The following SMARCA5 variants were observed in gnomAD, a reference collection of about 807,000 sequenced individuals.
SMARCA5 encodes the protein SWI/SNF-related matrix-associated actin-dependent regulator of chromatin subfamily A member 5.
Under a neutral mutation model 140.4 loss-of-function variants are expected in SMARCA5, and 18 were observed. The observed-to-expected ratio is 0.13, with a 90% CI of 0.09 to 0.19. SMARCA5 has a LOEUF of 0.19. SMARCA5 is among the 10% of genes least tolerant of loss of function. The pLI, the probability that SMARCA5 is intolerant of heterozygous loss-of-function variation, is 1.00. For missense variants in SMARCA5, 606 were observed against 1,276.8 expected, an observed-to-expected ratio of 0.47 and a Z score of 8.01; for synonymous variants, 449 against 419.6, an observed-to-expected ratio of 1.07 and a Z score of -0.86.
intron 9 of SMARCA5, among the ~76,000 whole-genome samples, chr4:143,530,752 T>C (rs1478839300): frequency 6.6e-6 from 1 of 152,194 alleles, no homozygotes; most frequent in Non-Finnish European, 1.5e-5. Context: ...GGAGAAAGTA[T>C]TCTCTTACAG....
Position 143,554,452 on chromosome 4 carries a change from G to C in SMARCA5, c.*1268G>C, listed in dbSNP as rs1737708044. ...CCTTTAGGACACATTTCCCTTAATT[G>C]GATATCTTTCCCTTAAATTTCTATT... On this transcript the variant is annotated 3_prime_UTR_variant, in exon 24 of 24. Transcript: ENST00000283131. 1 of 150,810 alleles carries C rather than the reference G, an allele frequency of 6.6e-6. No individual in the cohort carries two copies. Among genetic ancestry groups the C allele is most frequent in the Non-Finnish European group, 1.5e-5 (1 of 67,770 alleles). The allele number at this position is 150,810 out of a possible 1,614,324, so 9.3% of individuals were successfully genotyped here.
chr4:143,549,465 C>A (rs1737598812), intron 22 of SMARCA5, among the ~76,000 whole-genome samples: 1 of 152,108 alleles, frequency 6.6e-6, no homozygotes, highest in Non-Finnish European at 1.5e-5. Flanking sequence ...GGCTGTATGT[C>A]CAGTTTGCCA....
intron 11 of SMARCA5, 128 bp from the exon 12 acceptor site, chr4:143,538,462 T>A: frequency 1.5e-6 from 1 of 687,330 alleles, no homozygotes. Flanking sequence ...ATGTGTAGAT[T>A]TTTTTCCCCC....
intron 11 of SMARCA5, 140 bp from the exon 12 acceptor site, chr4:143,538,450 T>A: frequency 1.5e-6 from 1 of 661,012 alleles, no homozygotes; most frequent in Non-Finnish European, 2.6e-6. Context: ...ACTTGGATAA[T>A]AATGTGTAGA....
rs146905780 is a variant in SMARCA5 at position 143,549,474 on chromosome 4, CAG to C, written c.2986-515_2986-514del. ...TCTGGAGGCTGTATGTCCAGTTTGCCAGAGAGAGATGAGGTAGAACTCATCGT... is the reference window on the plus strand; with the variant it reads ...TCTGGAGGCTGTATGTCCAGTTTGCCAGAGAGATGAGGTAGAACTCATCGT... On this transcript the variant is annotated intron_variant, in intron 22 of 23. Transcript: ENST00000283131. 5.8e-4 allele frequency among the ~76,000 whole-genome samples: 88 copies of C among 152,160 alleles called. 2 individuals carry two copies. In the East Asian group the frequency reaches 0.015, roughly 27 times the overall value.
In SMARCA5 at chr4:143,513,965, A is replaced by G; in HGVS notation, c.41A>G (p.Glu14Gly). Residue 14 changes from glutamate to glycine, a missense_variant, in exon 1 of 24, where the codon GAG (glutamate) becomes GGG (glycine). Around this residue, in one of 10 missense-constraint regions of SMARCA5, gnomAD observed 164 missense variants for 128.4 expected, o/e 1.28. Transcript: ENST00000283131. Reference sequence around the variant, plus strand: ...GAGCCTCCGCCACCCCCGCCTCCCGAGAGCGCGCCTTCCAAGCCCGCAGCC... The same window carrying G: ...GAGCCTCCGCCACCCCCGCCTCCCGGGAGCGCGCCTTCCAAGCCCGCAGCC... Reference protein sequence around the residue: ...AAEPPPPPPPESAPSKPAASI... With the variant: ...AAEPPPPPPPGSAPSKPAASI... 6.4e-7 allele frequency: 1 copy of G among 1,555,780 alleles called. No homozygotes were observed.
At chr4:143,520,782 TC>T (rs1382312431) in intron 2 of SMARCA5, among the ~76,000 whole-genome samples, 3 of 152,198 alleles carry the variant, frequency 2.0e-5, no homozygotes, top group African/African-American at 7.2e-5. Flanking sequence ...AAATTTGTCT[TC>T]GAGGCTCTTA....
intron 17 of SMARCA5, 57 bp from the exon 18 acceptor site, chr4:143,545,413 T>C: frequency 2.8e-6 from 3 of 1,080,784 alleles, no homozygotes; most frequent in Non-Finnish European, 4.3e-6. Context: ...GGACTAAGGA[T>C]ACATTTAAAA....
rs552903291 is a variant in SMARCA5, at chr4:143,540,561, G to A, written c.1903+66G>A. On this transcript the variant is annotated intron_variant, in intron 14 of 23. Transcript: ENST00000283131. ...CACAACCTGTTTTTGTTTGAAAATC[G>A]TCTTAGAAGATTCTTGTTACTAAGC... 7 of 1,469,208 alleles carry A rather than the reference G, an allele frequency of 4.8e-6. No individual in the cohort carries two copies. The South Asian group carries it at 5.2e-5, about 11-fold the overall frequency. The allele number at this position is 1,469,208 out of a possible 1,614,324, so 91.0% of individuals were successfully genotyped here. A position where few individuals can be genotyped will look rare whatever the true frequency, so the allele number is the denominator to read the frequency against.
At chr4:143,514,915 G>T (rs1736796053) in intron 1 of SMARCA5, among the ~76,000 whole-genome samples, 1 of 152,154 alleles carries the variant, frequency 6.6e-6, no homozygotes, top group African/African-American at 2.4e-5. Context: ...TTATGGGTTT[G>T]GGTTGGGCAG....
chr4:143,518,685 TA>T (rs1736893197), intron 2 of SMARCA5, among the ~76,000 whole-genome samples: 1 of 152,174 alleles, frequency 6.6e-6, no homozygotes, highest in South Asian at 2.1e-4. Context: ...ATGTAAATTA[TA>T]AATGATATAT....
chr4:143,539,079 T>C, intron 13 of SMARCA5, 141 bp downstream of exon 13: 1 of 743,844 alleles, frequency 1.3e-6, no homozygotes, highest in East Asian at 2.6e-5. Flanking sequence ...TATATTGAGG[T>C]GATCTTCCAT....
rs978955789 is a variant in SMARCA5, at chr4:143,536,239, G to A, written c.1269-213G>A. ...AAATAATATCCTCAAGGCCCAAGGC[G>A]TAAGTATGAACATTATAATGCTATG... is the stretch of plus-strand genomic sequence containing the variant. On this transcript the variant is annotated intron_variant, in intron 10 of 23. Coordinates refer to ENST00000283131, the MANE Select transcript of SMARCA5 (RefSeq NM_003601.4). Among the ~76,000 whole-genome samples the A allele has an allele frequency of 1.4e-4, 22 of 152,096 alleles. 1 individual carries two copies. Among genetic ancestry groups the A allele is most frequent in the Admixed American group, 2.6e-4 (4 of 15,272 alleles).
chr4:143,547,900 TATATA>T, intron 21 of SMARCA5, 23 bp from the exon 22 acceptor site: 4 of 1,291,114 alleles, frequency 3.1e-6, no homozygotes, highest in Non-Finnish European at 3.2e-6. Context: ...ATTTGTATTT[TATATA>T]ATATAAAATC....
intron 3 of SMARCA5, among the ~76,000 whole-genome samples, chr4:143,523,858 A>G (rs1000674024): frequency 6.6e-6 from 1 of 152,186 alleles, no homozygotes; most frequent in Non-Finnish European, 1.5e-5. Context: ...ACTTTAGAAA[A>G]TCAGTTTTTA....
chr4:143,549,977 C>A lies in SMARCA5; in HGVS notation c.2986-20C>A, dbSNP rs201252538. Reference sequence around the variant, plus strand: ...ACTTGTGGATGGAAAGTGCGTGTACCATGTTTGTTTATAATTTAGGAGCTC... The same window carrying A: ...ACTTGTGGATGGAAAGTGCGTGTACAATGTTTGTTTATAATTTAGGAGCTC... On this transcript the variant is annotated intron_variant, in intron 22 of 23. Transcript: ENST00000283131. 4.3e-4 allele frequency: 586 copies of A among 1,355,514 alleles called. 4 individuals carry two copies. In the Middle Eastern group the frequency reaches 6.8e-3, roughly 16 times the overall value. 84.0% of individuals were successfully genotyped at this position (1,355,514 alleles called of 1,614,324 possible). A position where few individuals can be genotyped will look rare whatever the true frequency, so the allele number is the denominator to read the frequency against.
At chr4:143,532,979 G>A (rs1737226103) in intron 9 of SMARCA5, among the ~76,000 whole-genome samples, 2 of 152,108 alleles carry the variant, frequency 1.3e-5, no homozygotes, top group South Asian at 4.1e-4. Context: ...GGTGTTGCTG[G>A]TATTTTTCCC....
Position 143,534,979 on chromosome 4 carries a change from A to T in SMARCA5, c.1268+15A>T. 2 of 1,480,818 alleles carry T rather than the reference A, an allele frequency of 1.4e-6. No homozygotes were observed. The highest frequency in any genetic ancestry group is 1.9e-6 in the Non-Finnish European group (2 of 1,067,312). The allele number at this position is 1,480,818 out of a possible 1,614,324, so 91.7% of individuals were successfully genotyped here. A position where few individuals can be genotyped will look rare whatever the true frequency, so the allele number is the denominator to read the frequency against. ...CAAAGGGAATGGTATGTATTCTCAG[A>T]TGTACTTGATAGCACTATTGATTCT... On this transcript the variant is annotated intron_variant, in intron 10 of 23. Coordinates refer to ENST00000283131, the MANE Select transcript of SMARCA5 (RefSeq NM_003601.4).
intron 22 of SMARCA5, 93 bp from the exon 23 acceptor site, chr4:143,549,904 T>C: frequency 1.5e-6 from 1 of 647,912 alleles, no homozygotes. Context: ...AGTGGTTTTA[T>C]ATATTATCCT....
Sources: gnomAD v4.1 joint callset for allele counts (sites outside exome capture counted in the v4.1 genomes callset) on GRCh38, gnomAD v4.1.1 for gene constraint, gnomAD v4.1.1 regional missense constraint, MANE v1.5 for transcripts, NCBI Gene and HGNC (gene_info 2026-07-23, HGNC 2026-07-21) for gene names.